The following CSMD2 variants were observed in gnomAD, a reference collection of about 807,000 sequenced individuals.
CSMD2 encodes the protein CUB and Sushi multiple domains 2.
In CSMD2, 130 loss-of-function variants were observed where a neutral mutation model predicts 398.5. The ratio of observed to expected loss-of-function variants is 0.33; its 90% CI spans 0.28 to 0.38. The LOEUF (loss-of-function observed/expected upper bound fraction) is 0.38, where lower values mean the gene tolerates loss of function less well. CSMD2 is among the 10% of genes least tolerant of loss of function. The pLI is 1.00. For synonymous variants in CSMD2, 1,828 were observed against 1,908.5 expected (o/e 0.96, Z 1.10); for missense variants, 3,829 against 4,764.9 (o/e 0.80, Z 5.78).
chr1:34,090,415 A>G (rs1335111084), intron 1 of CSMD2, among the ~76,000 whole-genome samples: 1 of 151,348 alleles, frequency 6.6e-6, no homozygotes, highest in South Asian at 2.1e-4. Flanking sequence ...GATTTGGGGG[A>G]CTTCCCACTT....
intron 1 of CSMD2, among the ~76,000 whole-genome samples, chr1:34,098,718 GA>G (rs1214137300): frequency 1.3e-5 from 2 of 151,970 alleles, no homozygotes; most frequent in African/African-American, 4.8e-5. Context: ...AACTGTTTGG[GA>G]AAAGAATTAA....
chr1:34,156,731 A>G (rs902382417), intron 1 of CSMD2, among the ~76,000 whole-genome samples: 3 of 152,200 alleles, frequency 2.0e-5, no homozygotes, highest in African/African-American at 7.2e-5. Context: ...TAAATTTCTC[A>G]GAGTAATTTG....
At chr1:34,041,580 A>G (rs1651843375) in intron 2 of CSMD2, among the ~76,000 whole-genome samples, 1 of 152,122 alleles carries the variant, frequency 6.6e-6, no homozygotes, top group South Asian at 2.1e-4. Context: ...AAGCTGACCA[A>G]CTACTCACTT....
chr1:33,736,648 T>C (rs1364750777), intron 15 of CSMD2, among the ~76,000 whole-genome samples: 1 of 152,126 alleles, frequency 6.6e-6, no homozygotes, highest in African/African-American at 2.4e-5. Context: ...AGTTACTAAT[T>C]CCTGAGGGTT....
At chr1:34,149,511 G>A (rs1269795494) in intron 1 of CSMD2, among the ~76,000 whole-genome samples, 1 of 152,166 alleles carries the variant, frequency 6.6e-6, no homozygotes. Flanking sequence ...ATTAGTACAC[G>A]GAAGAAGTTG....
rs775824963 is a variant in CSMD2, at chr1:33,540,525, G to A, written c.9631C>T (p.Pro3211Ser). The A allele has an allele frequency of 6.8e-6, 11 of 1,613,966 alleles. No homozygotes were observed. The highest frequency in any genetic ancestry group is 2.2e-5 in the East Asian group (1 of 44,888). ...SWTGELPQCF[P>S]VFCGDPGVPS... Reference sequence around the variant, plus strand: ...CCAAAGGCCCTTGTAAGCAACTTACGGAAACACTGAGGCAGCTCTCCGGTC... The same window carrying A: ...CCAAAGGCCCTTGTAAGCAACTTACAGAAACACTGAGGCAGCTCTCCGGTC... The change falls in exon 60 of 71, where the codon CCT becomes TCT. Residue 3211 changes from proline to serine, a missense_variant and splice_region_variant. Physicochemically the swap from Pro to Ser is moderately conservative, Grantham distance 74. Transcript: ENST00000373381.
intron 3 of CSMD2, among the ~76,000 whole-genome samples, chr1:33,989,036 A>C (rs1402328225): frequency 6.5e-4 from 27 of 41,548 alleles, no homozygotes; most frequent in African/African-American, 2.1e-3. Context: ...ATATATATAT[A>C]TATATATATA....
chr1:33,684,696 C>T (rs960699240), intron 25 of CSMD2, among the ~76,000 whole-genome samples: 1 of 152,188 alleles, frequency 6.6e-6, no homozygotes, highest in African/African-American at 2.4e-5. Context: ...TTCATATCTT[C>T]CTCCCTTTCA....
chr1:33,759,835 A>G (rs2149298735), intron 13 of CSMD2, among the ~76,000 whole-genome samples: 1 of 152,332 alleles, frequency 6.6e-6, no homozygotes, highest in East Asian at 1.9e-4. Context: ...AGATGGCACT[A>G]TGGATAATTA....
intron 33 of CSMD2, 63 bp from the exon 34 acceptor site, chr1:33,625,317 A>G (rs1241268928): frequency 6.7e-5 from 98 of 1,452,388 alleles, no homozygotes; most frequent in Non-Finnish European, 9.1e-5. Flanking sequence ...AGGGACGGAC[A>G]TACAACGGGT....
chr1:33,724,842 C>T (rs929402631), intron 17 of CSMD2, 138 bp from the exon 18 acceptor site: 28 of 788,480 alleles, frequency 3.6e-5, no homozygotes, highest in African/African-American at 1.6e-4. Context: ...GAAATGTGGC[C>T]GTCAGAATTT....
At chr1:33,581,529 C>CAAAAAAAAAAAAAAAAAAA (rs59068586) in intron 47 of CSMD2, among the ~76,000 whole-genome samples, 3 of 36,886 alleles carry the variant, frequency 8.1e-5, no homozygotes, top group Non-Finnish European at 1.5e-4. Flanking sequence ...GACTCAGTCT[C>CAAAAAAAAAAAAAAAAAAA]AAAAAAAAAA....
intron 53 of CSMD2, 77 bp downstream of exon 53, chr1:33,567,516 A>G (rs1471655620): frequency 7.5e-7 from 1 of 1,340,656 alleles, no homozygotes; most frequent in African/African-American, 1.5e-5. Flanking sequence ...ACCTCTAGCT[A>G]ATCTAATTAA....
In CSMD2 at chr1:33,918,255, G is replaced by A. The variant is rs753870911; in HGVS notation, c.759C>T (p.Ile253=). ...GGTLRGQSGI[I]SSPHFPSEYH... is the part of the protein sequence containing the mutation. ...ACTCCGAGGGGAAGTGGGGGCTGGA[G>A]ATGATGCCACTCTGGCCCCGCAGGG... is the stretch of plus-strand genomic sequence containing the variant. Residue 253 remains isoleucine, a synonymous_variant, in exon 5 of 71, where the codon ATC becomes ATT. Transcript: ENST00000373381. The A allele has an allele frequency of 1.9e-6, 3 of 1,614,130 alleles. No individual in the cohort carries two copies. The South Asian group carries it at 3.3e-5, about 18-fold the overall frequency.
chr1:34,110,214 G>A (rs757846653), intron 1 of CSMD2, among the ~76,000 whole-genome samples: 1 of 152,056 alleles, frequency 6.6e-6, no homozygotes, highest in Non-Finnish European at 1.5e-5. Flanking sequence ...GCAAGGTGGT[G>A]GAGAAAAGAG....
intron 2 of CSMD2, among the ~76,000 whole-genome samples, chr1:34,080,153 G>C (rs1339425648): frequency 6.8e-6 from 1 of 147,070 alleles, no homozygotes; most frequent in Non-Finnish European, 1.5e-5. Flanking sequence ...GGAGAGAATA[G>C]GGAATAACTA....
At chr1:33,923,754 G>T (rs1644029342) in intron 4 of CSMD2, among the ~76,000 whole-genome samples, 1 of 152,112 alleles carries the variant, frequency 6.6e-6, no homozygotes. Flanking sequence ...TAACTCAGGG[G>T]TCCCCAACCC....
intron 2 of CSMD2, among the ~76,000 whole-genome samples, chr1:34,076,499 C>T (rs113903622): frequency 0.018 from 2,698 of 152,276 alleles, 44 homozygotes; most frequent in East Asian, 0.053. Context: ...GTCATCAGCA[C>T]CTCTCCACTT....
At chr1:34,150,958 C>T (rs183524662) in intron 1 of CSMD2, among the ~76,000 whole-genome samples, 12 of 152,102 alleles carry the variant, frequency 7.9e-5, no homozygotes, top group Admixed American at 3.3e-4. Context: ...ACAGCTTCCA[C>T]AAGGAAGACT....
Sources: gnomAD v4.1 joint callset for allele counts (sites outside exome capture counted in the v4.1 genomes callset) on GRCh38, gnomAD v4.1.1 for gene constraint, MANE v1.5 for transcripts, NCBI Gene and HGNC (gene_info 2026-07-23, HGNC 2026-07-21) for gene names.